The following NAALADL2 variants were observed in gnomAD, a reference collection of about 807,000 sequenced individuals.
NAALADL2 encodes the protein N-acetylated alpha-linked acidic dipeptidase like 2.
A neutral mutation model predicts 87.2 loss-of-function variants in NAALADL2; 76 were observed. The observed-to-expected ratio is 0.87, with a 90% CI of 0.72 to 1.05. NAALADL2 has a LOEUF of 1.05. Ranked by LOEUF, NAALADL2 falls within the 50% of genes least tolerant of loss-of-function variation. NAALADL2 has a pLI of 0.00. For missense variants in NAALADL2, 1,089 were observed against 945.8 expected (o/e 1.15, Z -1.99); for synonymous variants, 354 against 331.0 (o/e 1.07, Z -0.75).
intron 10 of NAALADL2, among the ~76,000 whole-genome samples, chr3:175,608,330 G>A: frequency 6.6e-6 from 1 of 150,540 alleles, no homozygotes; most frequent in Non-Finnish European, 1.5e-5. Flanking sequence ...ATCTTTTAAT[G>A]AAGATTAGCT....
chr3:174,794,851 A>G (rs1193635575), intron 3 of NAALADL2, among the ~76,000 whole-genome samples: 1 of 152,118 alleles, frequency 6.6e-6, no homozygotes, highest in Non-Finnish European at 1.5e-5. Context: ...TACTAAAAAA[A>G]TCATGATCTA....
intron 5 of NAALADL2, among the ~76,000 whole-genome samples, chr3:175,351,153 C>T (rs887047492): frequency 5.9e-5 from 9 of 152,034 alleles, no homozygotes; most frequent in Admixed American, 5.9e-4. Flanking sequence ...TTCAAGGTCA[C>T]TTAGGTGAAA....
intron 3 of NAALADL2, among the ~76,000 whole-genome samples, chr3:175,254,445 C>A (rs1353351813): frequency 6.6e-6 from 1 of 152,136 alleles, no homozygotes; most frequent in Non-Finnish European, 1.5e-5. Flanking sequence ...CTGTGTGATT[C>A]ACTTTATTGC....
At chr3:175,683,149 G>A (rs1735819173) in intron 11 of NAALADL2, among the ~76,000 whole-genome samples, 1 of 151,892 alleles carries the variant, frequency 6.6e-6, no homozygotes, top group South Asian at 2.1e-4. Flanking sequence ...TGTCTACATA[G>A]CCAAATATTT....
At chr3:175,005,081 G>T (rs191407594) in intron 1 of NAALADL2, among the ~76,000 whole-genome samples, 14 of 152,186 alleles carry the variant, frequency 9.2e-5, no homozygotes, top group African/African-American at 3.4e-4. Context: ...TAATGAAAAG[G>T]TTATAGAAAT....
intron 11 of NAALADL2, among the ~76,000 whole-genome samples, chr3:175,737,100 G>T (rs920172842): frequency 1.3e-5 from 2 of 151,890 alleles, no homozygotes; most frequent in Non-Finnish European, 2.9e-5. Context: ...ATTCTGAGAC[G>T]TGAAAAAGAT....
chr3:175,132,338 A>G (rs568338788), intron 2 of NAALADL2, among the ~76,000 whole-genome samples: 120 of 42,800 alleles, frequency 2.8e-3, no homozygotes, highest in Middle Eastern at 0.023. Context: ...TTCCCGGACG[A>G]GGCGGCTGGC....
intron 11 of NAALADL2, among the ~76,000 whole-genome samples, chr3:175,667,262 AAAGG>A (rs57389382): frequency 1.8e-4 from 26 of 144,244 alleles, no homozygotes; most frequent in African/African-American, 6.1e-4. Context: ...AGAAAGAAAG[AAAGG>A]AAGGAAGGGA....
intron 3 of NAALADL2, among the ~76,000 whole-genome samples, chr3:174,758,809 T>G (rs191420858): frequency 2.0e-5 from 3 of 152,238 alleles, no homozygotes; most frequent in African/African-American, 7.2e-5. Flanking sequence ...CTTCTTTTCA[T>G]TGGATCATGA....
intron 3 of NAALADL2, among the ~76,000 whole-genome samples, chr3:174,752,951 T>C (rs114956290): frequency 0.014 from 2,158 of 152,372 alleles, 13 homozygotes; most frequent in Middle Eastern, 0.021. Context: ...ACACATTTAA[T>C]AGTATGTATT....
intron 4 of NAALADL2, among the ~76,000 whole-genome samples, chr3:175,313,433 C>G (rs1467751598): frequency 6.6e-6 from 1 of 152,074 alleles, no homozygotes; most frequent in Non-Finnish European, 1.5e-5. Flanking sequence ...TGTGCTGGAC[C>G]AATGTTTTGA....
At chr3:174,879,131 G>T (rs1169006108) in intron 1 of NAALADL2, among the ~76,000 whole-genome samples, 1 of 151,896 alleles carries the variant, frequency 6.6e-6, no homozygotes, top group African/African-American at 2.4e-5. Context: ...AGCTTTCAAG[G>T]TATTTTTTTC....
intron 6 of NAALADL2, among the ~76,000 whole-genome samples, chr3:175,455,138 A>G (rs764851146): frequency 2.0e-5 from 3 of 152,058 alleles, no homozygotes; most frequent in Non-Finnish European, 4.4e-5. Context: ...GTCACTGCAT[A>G]AAGTGGACAG....
intron 2 of NAALADL2, among the ~76,000 whole-genome samples, chr3:174,607,844 C>T (rs1719296376): frequency 6.6e-6 from 1 of 151,892 alleles, no homozygotes; most frequent in African/African-American, 2.4e-5. Context: ...ACTCTCCACC[C>T]CAAATCAACA....
chr3:175,238,218 G>A (rs1303238085), intron 3 of NAALADL2, among the ~76,000 whole-genome samples: 1 of 151,890 alleles, frequency 6.6e-6, no homozygotes, highest in African/African-American at 2.4e-5. Context: ...ATAGTTCTAA[G>A]TCCTTATTTA....
At chr3:175,001,188 A>G (rs919475274) in intron 1 of NAALADL2, among the ~76,000 whole-genome samples, 2 of 152,218 alleles carry the variant, frequency 1.3e-5, no homozygotes, top group Admixed American at 1.3e-4. Context: ...TTCAATGTTC[A>G]TAAGAATTAC....
chr3:174,981,751 G>T (rs576495592), intron 1 of NAALADL2, among the ~76,000 whole-genome samples: 2 of 152,160 alleles, frequency 1.3e-5, no homozygotes, highest in Non-Finnish European at 2.9e-5. Context: ...GCAGTACAGT[G>T]TCAGTTGGTG....
chr3:174,947,884 A>G (rs979655453), intron 1 of NAALADL2, among the ~76,000 whole-genome samples: 75 of 152,166 alleles, frequency 4.9e-4, no homozygotes, highest in African/African-American at 1.7e-3. Context: ...TAACAAATAT[A>G]TTTTATTTTG....
intron 13 of NAALADL2, among the ~76,000 whole-genome samples, chr3:175,769,886 G>C (rs1317963958): frequency 6.6e-6 from 1 of 152,134 alleles, no homozygotes; most frequent in African/African-American, 2.4e-5. Flanking sequence ...TCCAATATCT[G>C]TAGGTGGGCT....
Sources: gnomAD v4.1 joint callset for allele counts (sites outside exome capture counted in the v4.1 genomes callset) on GRCh38, gnomAD v4.1.1 for gene constraint, MANE v1.5 for transcripts, NCBI Gene and HGNC (gene_info 2026-07-23, HGNC 2026-07-21) for gene names.